Variants in EXT1 observed in about 807,000 individuals in gnomAD.
EXT1 encodes the protein exostosin-1.
In EXT1, 20 loss-of-function variants were observed where a neutral mutation model predicts 82.5. The observed-to-expected ratio is 0.24, with a 90% CI of 0.17 to 0.35. The LOEUF is 0.35. Ranked by LOEUF, EXT1 falls within the 10% of genes least tolerant of loss-of-function variation. The pLI, the probability that EXT1 is intolerant of heterozygous loss-of-function variation, is 1.00. For synonymous variants in EXT1, 348 were observed against 350.8 expected, an observed-to-expected ratio of 0.99 and a Z score of 0.09; for missense variants, 757 against 936.5, an observed-to-expected ratio of 0.81 and a Z score of 2.50.
intron 1 of EXT1, among the ~76,000 whole-genome samples, chr8:118,024,617 A>G (rs1816171027): frequency 6.6e-6 from 1 of 152,252 alleles, no homozygotes; most frequent in Non-Finnish European, 1.5e-5. Flanking sequence ...TCACACAAAT[A>G]TGGAACTTAC....
At chr8:117,860,844 T>C (rs985244941) in intron 1 of EXT1, among the ~76,000 whole-genome samples, 4 of 152,166 alleles carry the variant, frequency 2.6e-5, no homozygotes, top group African/African-American at 4.8e-5. Context: ...CTGGCCCCTG[T>C]AGGCATCTGA....
At chr8:117,994,364 C>A (rs1029543062) in intron 1 of EXT1, among the ~76,000 whole-genome samples, 1 of 152,202 alleles carries the variant, frequency 6.6e-6, no homozygotes, top group African/African-American at 2.4e-5. Context: ...GTAATCCCAG[C>A]ACTTTGGGAG....
rs2129720638 is a variant in EXT1 at position 117,812,978 on chromosome 8, G to A, written c.1633-17C>T. ...GCTCATAACCTGGGAGGAAGTAGAA[G>A]TAGGCAGTGGGGAGGGAATGAGGGA... On this transcript the variant is annotated splice_polypyrimidine_tract_variant and intron_variant, in intron 7 of 10. Transcript: ENST00000378204. 2.5e-6 allele frequency: 4 copies of A among 1,607,196 alleles called. No individual in the cohort carries two copies. Among genetic ancestry groups the A allele is most frequent in the South Asian group, 1.1e-5 (1 of 90,466 alleles).
chr8:117,850,348 T>C (rs910005429), intron 1 of EXT1, among the ~76,000 whole-genome samples: 1 of 152,190 alleles, frequency 6.6e-6, no homozygotes, highest in African/African-American at 2.4e-5. Context: ...GATGCTGGTA[T>C]CACAAACTGC....
chr8:117,934,193 T>C (rs1814115058), intron 1 of EXT1, among the ~76,000 whole-genome samples: 1 of 152,122 alleles, frequency 6.6e-6, no homozygotes, highest in Non-Finnish European at 1.5e-5. Context: ...AGCACCAGGC[T>C]TGTCGGGTTT....
rs75793926 is a variant in EXT1 at position 118,091,315 on chromosome 8, C to T, written c.962+18770G>A. Among the ~76,000 whole-genome samples the T allele has an allele frequency of 9.8e-3, 1,497 of 152,262 alleles. 20 individuals carry two copies. The highest frequency in any genetic ancestry group is 0.034 in the African/African-American group (1,397 of 41,538). ...TATTTCAAAGGTGCAAATCATCATCCGATTTTGGTAAATCTCTAATTTCAC... is the reference window on the plus strand; with the variant it reads ...TATTTCAAAGGTGCAAATCATCATCTGATTTTGGTAAATCTCTAATTTCAC... On this transcript the variant is annotated intron_variant, in intron 1 of 10. Transcript: ENST00000378204.
chr8:118,054,750 C>T (rs918500076), intron 1 of EXT1, among the ~76,000 whole-genome samples: 2 of 152,176 alleles, frequency 1.3e-5, no homozygotes, highest in Admixed American at 6.5e-5. Flanking sequence ...CTACCAGGCA[C>T]AGTTAAGCTC....
chr8:117,890,536 G>C (rs1362941081), intron 1 of EXT1, among the ~76,000 whole-genome samples: 1 of 152,182 alleles, frequency 6.6e-6, no homozygotes, highest in African/African-American at 2.4e-5. Flanking sequence ...CTCATAGTAG[G>C]CAGGGCAATG....
At chr8:117,966,011 C>CACATATATACACACGCACATATACAT (rs1284672901) in intron 1 of EXT1, among the ~76,000 whole-genome samples, 18 of 151,186 alleles carry the variant, frequency 1.2e-4, no homozygotes, top group Non-Finnish European at 1.5e-4. Context: ...CACACACACA[C>CACATATATACACACGCACATATACAT]ATATATACAC....
At chr8:117,857,936 A>G (rs894255484) in intron 1 of EXT1, among the ~76,000 whole-genome samples, 1 of 152,194 alleles carries the variant, frequency 6.6e-6, no homozygotes, top group Non-Finnish European at 1.5e-5. Context: ...TCCAACCTTC[A>G]TAGATGACTT....
chr8:117,812,456 C>T (rs1823341387), intron 8 of EXT1, among the ~76,000 whole-genome samples: 1 of 152,146 alleles, frequency 6.6e-6, no homozygotes, highest in Non-Finnish European at 1.5e-5. Context: ...CATAGAGTCT[C>T]CTAACTGAGG....
intron 7 of EXT1, among the ~76,000 whole-genome samples, chr8:117,816,743 G>C (rs1811827794): frequency 6.6e-6 from 1 of 152,206 alleles, no homozygotes; most frequent in Admixed American, 6.5e-5. Flanking sequence ...CAGTGAGTCA[G>C]AGCATGAAAA....
chr8:117,825,281 C>T (rs1303987386), intron 4 of EXT1, among the ~76,000 whole-genome samples: 1 of 152,138 alleles, frequency 6.6e-6, no homozygotes, highest in Non-Finnish European at 1.5e-5. Flanking sequence ...CTTCTAAAAG[C>T]ATAAAGAAAT....
chr8:118,102,868 A>T (rs1817745681), intron 1 of EXT1, among the ~76,000 whole-genome samples: 1 of 152,158 alleles, frequency 6.6e-6, no homozygotes, highest in Non-Finnish European at 1.5e-5. Flanking sequence ...TTGAAAGACA[A>T]GGTCGGCCGG....
At chr8:117,874,378 C>T (rs1032777061) in intron 1 of EXT1, among the ~76,000 whole-genome samples, 2 of 151,944 alleles carry the variant, frequency 1.3e-5, no homozygotes, top group African/African-American at 4.8e-5. Context: ...GAGTTCAAGA[C>T]CAGCCTGGCC....
intron 1 of EXT1, among the ~76,000 whole-genome samples, chr8:117,848,310 G>A (rs985505210): frequency 6.6e-6 from 1 of 152,134 alleles, no homozygotes; most frequent in African/African-American, 2.4e-5. Flanking sequence ...GGATTAGAGA[G>A]GCCCACAAGT....
intron 1 of EXT1, among the ~76,000 whole-genome samples, chr8:117,978,224 C>A (rs193036444): frequency 2.4e-4 from 37 of 152,284 alleles, no homozygotes; most frequent in African/African-American, 8.4e-4. Context: ...TAAAGGGTGC[C>A]CAGTGAAATG....
At chr8:118,053,169 A>G (rs1014357669) in intron 1 of EXT1, among the ~76,000 whole-genome samples, 1 of 152,160 alleles carries the variant, frequency 6.6e-6, no homozygotes, top group Non-Finnish European at 1.5e-5. Context: ...GGGTTGGAGA[A>G]TGGTCACAAA....
chr8:117,844,216 G>A (rs1812318157), intron 1 of EXT1, among the ~76,000 whole-genome samples: 1 of 151,574 alleles, frequency 6.6e-6, no homozygotes, highest in Admixed American at 6.6e-5. Flanking sequence ...GCAGTGGTGA[G>A]ATCACAGTTC....
Sources: allele counts gnomAD v4.1 joint callset (sites outside exome capture counted in the v4.1 genomes callset), GRCh38; gene constraint gnomAD v4.1.1; transcripts MANE v1.5; gene names NCBI Gene and HGNC (gene_info 2026-07-23, HGNC 2026-07-21).